Variants in PAF1 observed in about 807,000 individuals in gnomAD.
PAF1 encodes RNA polymerase II-associated factor 1 homolog.
In PAF1, 31 loss-of-function variants were observed where a neutral mutation model predicts 68.4. The observed-to-expected ratio is 0.45, with a 90% CI of 0.34 to 0.61. The LOEUF is 0.61. Ranked by LOEUF, PAF1 falls within the 20% of genes least tolerant of loss-of-function variation. The probability of loss-of-function intolerance (pLI) is 0.01; values close to 1 mark genes in which losing one functional copy is unlikely to be tolerated. For synonymous variants in PAF1, 256 were observed against 240.5 expected (o/e 1.06, Z -0.60); for missense variants, 435 against 692.9 (o/e 0.63, Z 4.18).
rs903790467 is a variant in PAF1 at position 39,386,639 on chromosome 19, C to G, written c.1092+55G>C. 6.9e-6 allele frequency: 11 copies of G among 1,600,172 alleles called. No individual in the cohort carries two copies. The African/African-American group carries it at 1.5e-4, about 21-fold the overall frequency. On this transcript the variant is annotated intron_variant, in intron 12 of 13. Coordinates refer to ENST00000221265, the MANE Select transcript of PAF1 (RefSeq NM_019088.4). The surrounding 1 kb of genome is among the most constrained non-coding windows in gnomAD (Gnocchi z 6.1). The stretch of plus-strand genomic sequence containing the variant: ...TGCTGGGTTTTTGTCCCCCTCCTCA[C>G]CTACAACCACCACCCTCCCTGCCAT...
Position 39,386,865 on chromosome 19 carries a change from C to CTCACTGGGGGGCGGGGAAGT in PAF1, c.987-67_987-66insACTTCCCCGCCCCCCAGTGA. The CTCACTGGGGGGCGGGGAAGT allele has an allele frequency of 2.8e-6, 3 of 1,082,048 alleles. No homozygotes were observed. Among genetic ancestry groups the CTCACTGGGGGGCGGGGAAGT allele is most frequent in the Non-Finnish European group, 4.3e-6 (3 of 698,426 alleles). 67.0% of individuals were successfully genotyped at this position (1,082,048 alleles called of 1,614,324 possible). On this transcript the variant is annotated intron_variant, in intron 11 of 13. Transcript: ENST00000221265. This position sits in a 1 kb window ranked among gnomAD's most constrained non-coding sequence, Gnocchi z 6.1. ...GTTAAAGACACACCTCCCACTTCCC[C>CTCACTGGGGGGCGGGGAAGT]GCCCCCCAGTGAGGGGTCTGGTCTG...
In PAF1 at chr19:39,389,421, C is replaced by T; in HGVS notation, c.360-38G>A. The stretch of plus-strand genomic sequence containing the variant: ...ATCAGGTATCTCAGGACCCCACTGC[C>T]CTCCTGCTTGTAGGGCCCACCTGAG... On this transcript the variant is annotated intron_variant, in intron 5 of 13. Coordinates refer to ENST00000221265, the MANE Select transcript of PAF1 (RefSeq NM_019088.4). The surrounding 1 kb of genome is among the most constrained non-coding windows in gnomAD (Gnocchi z 5.3). The T allele has an allele frequency of 1.9e-6, 3 of 1,611,304 alleles. No homozygotes were observed. Among genetic ancestry groups the T allele is most frequent in the Admixed American group, 1.7e-5 (1 of 60,026 alleles).
rs796956025 is a variant in PAF1 at position 39,388,235 on chromosome 19, A to G, written c.986+104T>C. On this transcript the variant is annotated intron_variant, in intron 11 of 13. Transcript: ENST00000221265. Reference sequence around the variant, plus strand: ...CTGCTGCTCTTGTTTACCAATGCATATGACAAATTCTTAGGTACAAATGAC... The same window carrying G: ...CTGCTGCTCTTGTTTACCAATGCATGTGACAAATTCTTAGGTACAAATGAC... 11 of 1,118,892 alleles carry G rather than the reference A, an allele frequency of 9.8e-6. No individual in the cohort carries two copies. In the African/African-American group the frequency reaches 1.5e-4, roughly 16 times the overall value. 69.3% of individuals were successfully genotyped at this position (1,118,892 alleles called of 1,614,324 possible).
chr19:39,387,843 A>G (rs1051838197), intron 11 of PAF1, among the ~76,000 whole-genome samples: 4 of 152,220 alleles, frequency 2.6e-5, no homozygotes, highest in Non-Finnish European at 4.4e-5. Context: ...TGTCTCCTGC[A>G]TTAAGATATT....
Position 39,389,949 on chromosome 19 carries a change from A to G in PAF1, c.170+120T>C. 1 of 1,052,046 alleles carries G rather than the reference A, an allele frequency of 9.5e-7. No individual in the cohort carries two copies. Among genetic ancestry groups the G allele is most frequent in the African/African-American group, 1.6e-5 (1 of 64,012 alleles). The allele number at this position is 1,052,046 out of a possible 1,614,324, so 65.2% of individuals were successfully genotyped here. ...TTGCTCCATTAACAATTGAGCAGCT[A>G]CTACTATGTGCTAGGGTAGGTACTG... On this transcript the variant is annotated intron_variant, in intron 3 of 13. Transcript: ENST00000221265. The surrounding 1 kb of genome is among the most constrained non-coding windows in gnomAD (Gnocchi z 5.3).
At position 39,385,795 on chromosome 19, in the gene PAF1, G is replaced by A. The variant is rs1005683628; in HGVS notation, c.*196C>T. The A allele has an allele frequency of 1.3e-6, 1 of 748,112 alleles. No individual in the cohort carries two copies. The highest frequency in any genetic ancestry group is 2.1e-6 in the Non-Finnish European group (1 of 471,026). 46.3% of individuals were successfully genotyped at this position (748,112 alleles called of 1,614,324 possible). A position where few individuals can be genotyped will look rare whatever the true frequency, so the allele number is the denominator to read the frequency against. ...TCAAGCCAAGATCCTTGAGCACCTG[G>A]GGGTTGCGGGAGGTATGTGCTGGGC... is the stretch of plus-strand genomic sequence containing the variant. On this transcript the variant is annotated 3_prime_UTR_variant, in exon 14 of 14. Transcript: ENST00000221265.
Position 39,388,692 on chromosome 19 carries a change from G to T in PAF1, c.741-16C>A. The T allele has an allele frequency of 1.2e-6, 2 of 1,612,784 alleles. No homozygotes were observed. The highest frequency in any genetic ancestry group is 1.7e-6 in the Non-Finnish European group (2 of 1,178,726). ...CATCATGCCCCTGGTTGGGGGAAAA[G>T]GAGTAGCAATGAAGTGTGAGGACAA... On this transcript the variant is annotated splice_polypyrimidine_tract_variant and intron_variant, in intron 9 of 13. Coordinates refer to ENST00000221265, the MANE Select transcript of PAF1 (RefSeq NM_019088.4).
Position 39,390,861 on chromosome 19 carries a change from C to T in PAF1, c.4G>A (p.Ala2Thr). The T allele has an allele frequency of 6.3e-7, 1 of 1,582,880 alleles. No homozygotes were observed. Among genetic ancestry groups the T allele is most frequent in the Non-Finnish European group, 8.6e-7 (1 of 1,164,342 alleles). M[A>T]PTIQTQAQRE... ...TGGGCCTGGGTCTGGATGGTGGGCG[C>T]CATAGCGACGAGGCGACGGCAGCCC... is the stretch of plus-strand genomic sequence containing the variant. Residue 2 changes from alanine (A) to threonine (T), a missense_variant, in exon 1 of 14, where the codon GCG becomes ACG. By Grantham distance (58) the Ala-to-Thr change is moderately conservative. Around this residue, in one of 7 missense-constraint regions of PAF1, gnomAD observed 38 missense variants for 33.9 expected, o/e 1.12. Transcript: ENST00000221265.
intron 3 of PAF1, 34 bp downstream of exon 3, chr19:39,390,035 A>G: frequency 6.5e-7 from 1 of 1,543,888 alleles, no homozygotes; most frequent in South Asian, 1.1e-5. Context: ...CAAGGAACTC[A>G]TACCTGAGTA....
At chr19:39,390,712 G>T in intron 1 of PAF1, 106 bp downstream of exon 1, 2 of 1,208,314 alleles carry the variant, frequency 1.7e-6, no homozygotes, top group Non-Finnish European at 2.4e-6. Flanking sequence ...CGTCAAAGGT[G>T]AGCGCTTCAT....
intron 11 of PAF1, chr19:39,387,018 A>G (rs2078266846): frequency 3.3e-6 from 2 of 605,408 alleles, no homozygotes; most frequent in South Asian, 3.8e-5. Flanking sequence ...TGGTTGCCCT[A>G]CACTGTGTGT....
At chr19:39,390,231 C>T in intron 2 of PAF1, 29 bp downstream of exon 2, 1 of 1,613,662 alleles carries the variant, frequency 6.2e-7, no homozygotes, top group East Asian at 2.2e-5. Flanking sequence ...ACTGCCCCAC[C>T]GCTCCTGGGA....
intron 3 of PAF1, 33 bp downstream of exon 3, chr19:39,390,036 T>C (rs372419471): frequency 2.0e-6 from 3 of 1,533,370 alleles, no homozygotes; most frequent in South Asian, 1.1e-5. Flanking sequence ...AAGGAACTCA[T>C]ACCTGAGTAG....
At position 39,389,563 on chromosome 19, in the gene PAF1, G is replaced by A; in HGVS notation, c.293-17C>T. On this transcript the variant is annotated splice_polypyrimidine_tract_variant and intron_variant, in intron 4 of 13. Coordinates refer to ENST00000221265, the MANE Select transcript of PAF1 (RefSeq NM_019088.4). The surrounding 1 kb of genome is among the most constrained non-coding windows in gnomAD (Gnocchi z 5.3). ...CTAGAAGAACTAGAGGAGAGCGGGG[G>A]GCAGGAGGACCATGAGGGAGGCCCA... The A allele has an allele frequency of 6.2e-7, 1 of 1,614,160 alleles. No individual in the cohort carries two copies.
chr19:39,390,956 A>T lies in PAF1; in HGVS notation c.-92T>A. 7.7e-7 allele frequency: 1 copy of T among 1,299,864 alleles called. No individual in the cohort carries two copies. The highest frequency in any genetic ancestry group is 1.1e-6 in the Non-Finnish European group (1 of 939,198). The allele number at this position is 1,299,864 out of a possible 1,614,324, so 80.5% of individuals were successfully genotyped here. The stretch of plus-strand genomic sequence containing the variant: ...CCGACTTCAGGGGACGCCTGATCCG[A>T]GGAAGGCCCAGCTTGGCGCCGCTCC... On this transcript the variant is annotated 5_prime_UTR_variant, in exon 1 of 14. Coordinates refer to ENST00000221265, the MANE Select transcript of PAF1 (RefSeq NM_019088.4).
In PAF1 at chr19:39,386,354, A is replaced by G. The variant is rs769715236; in HGVS notation, c.1233T>C (p.Asp411=). Residue 411 remains aspartate (D), a synonymous_variant, in exon 14 of 14, where the codon GAT becomes GAC. Transcript: ENST00000221265. The surrounding 1 kb of genome is among the most constrained non-coding windows in gnomAD (Gnocchi z 6.1). ...GTTCACTCTCGCTGCCCGAGTGCTC[A>G]TCTTCACTGCCCTCCTTCTCACTGC... The part of the protein sequence containing the change: ...GSSSEKEGSE[D]EHSGSESERE... The G allele has an allele frequency of 5.0e-6, 8 of 1,613,946 alleles. No individual in the cohort carries two copies. Among genetic ancestry groups the G allele is most frequent in the Non-Finnish European group, 5.9e-6 (7 of 1,180,002 alleles).
Position 39,386,689 on chromosome 19 carries a change from G to T in PAF1, c.1092+5C>A. 6.2e-7 allele frequency: 1 copy of T among 1,610,984 alleles called. No homozygotes were observed. The highest frequency in any genetic ancestry group is 8.5e-7 in the Non-Finnish European group (1 of 1,177,132). ...TGGGTGCCCTGAGCCAGTGGTGCTTGTTACCTGAGCTTCCAGTTCCTTCTC... is the reference window on the plus strand; with the variant it reads ...TGGGTGCCCTGAGCCAGTGGTGCTTTTTACCTGAGCTTCCAGTTCCTTCTC... On this transcript the variant is annotated splice_donor_5th_base_variant and intron_variant, in intron 12 of 13. Coordinates refer to ENST00000221265, the MANE Select transcript of PAF1 (RefSeq NM_019088.4). The surrounding 1 kb of genome is among the most constrained non-coding windows in gnomAD (Gnocchi z 6.1).
At position 39,389,149 on chromosome 19, in the gene PAF1, CTT is replaced by C; in HGVS notation, c.509_510del (p.Lys170ArgfsTer4). The C allele has an allele frequency of 6.2e-7, 1 of 1,614,160 alleles. No homozygotes were observed. The highest frequency in any genetic ancestry group is 1.1e-5 in the South Asian group (1 of 91,076). ...KQQFTEEEIY[K>X]DRDSQITAIE... ...ATGGCTGTGATCTGGCTATCCCTGT[CTT>C]TGTATATTTCTTCCTCGGTAAACTG... On this transcript the variant is annotated frameshift_variant, in exon 7 of 14. Coordinates refer to ENST00000221265, the MANE Select transcript of PAF1 (RefSeq NM_019088.4). LOFTEE classifies it high-confidence loss of function. The surrounding 1 kb of genome is among the most constrained non-coding windows in gnomAD (Gnocchi z 5.3).
At chr19:39,390,025 C>A in intron 3 of PAF1, 44 bp downstream of exon 3, 1 of 1,483,584 alleles carries the variant, frequency 6.7e-7, no homozygotes, top group Non-Finnish European at 9.4e-7. Context: ...TCCCTGCCTT[C>A]AAGGAACTCA....
Sources: gnomAD v4.1 joint callset for allele counts (sites outside exome capture counted in the v4.1 genomes callset) on GRCh38, gnomAD v4.1.1 for gene constraint, gnomAD v4.1.1 regional missense constraint, Gnocchi (gnomAD v3.1) non-coding constraint, MANE v1.5 for transcripts, NCBI Gene and HGNC (gene_info 2026-07-23, HGNC 2026-07-21) for gene names.